PM20D2: variants seen among roughly 807,000 people sequenced by gnomAD.
The protein encoded by PM20D2 is peptidase M20 domain containing 2, also known as xaa-Arg dipeptidase.
Under a neutral mutation model 42.9 loss-of-function variants are expected in PM20D2, and 33 were observed. The observed-to-expected ratio is 0.77, with a 90% CI of 0.58 to 1.03. PM20D2 has a LOEUF of 1.03. Ranked by LOEUF, PM20D2 falls within the 50% of genes least tolerant of loss-of-function variation. The pLI is 0.00. For missense variants in PM20D2, 548 were observed against 557.0 expected (o/e 0.98, Z 0.16); for synonymous variants, 250 against 228.2 (o/e 1.10, Z -0.86).
rs754963430 is a variant in PM20D2, at chr6:89,161,832, A to G, written c.1098A>G (p.Pro366=). The G allele has an allele frequency of 3.1e-6, 5 of 1,613,848 alleles. No individual in the cohort carries two copies. In the East Asian group the frequency reaches 6.7e-5, roughly 22 times the overall value. Residue 366 remains proline, a synonymous_variant, in exon 6 of 7, where the codon CCA becomes CCG. Coordinates refer to ENST00000275072, the MANE Select transcript of PM20D2 (RefSeq NM_001010853.3). ...GTTTTGTGGTTCCTGGAATTCATCCATATTTTCACATTGGATCTAATGCCT... is the reference window on the plus strand; with the variant it reads ...GTTTTGTGGTTCCTGGAATTCATCCGTATTTTCACATTGGATCTAATGCCT... ...NVSFVVPGIH[P]YFHIGSNALN...
the PM20D2 span, among the ~76,000 whole-genome samples, chr6:89,131,236 T>C: frequency 6.6e-6 from 1 of 152,100 alleles, no homozygotes. Context: ...ATTAATCCAT[T>C]CAGAAGGTGG....
In PM20D2 at chr6:89,158,307, T is replaced by G; in HGVS notation, c.913-18T>G. 2 of 1,560,694 alleles carry G rather than the reference T, an allele frequency of 1.3e-6. No individual in the cohort carries two copies. The highest frequency in any genetic ancestry group is 8.6e-7 in the Non-Finnish European group (1 of 1,159,126). On this transcript the variant is annotated intron_variant, in intron 4 of 6. Coordinates refer to ENST00000275072, the MANE Select transcript of PM20D2 (RefSeq NM_001010853.3). ...TTGAGTTTTTTATTTCAAAATTTGT[T>G]TTGCAATTTTTTATTAGGTGGAAAT...
chr6:89,151,618 T>G (rs940757462), intron 2 of PM20D2, among the ~76,000 whole-genome samples: 3 of 152,096 alleles, frequency 2.0e-5, no homozygotes, highest in African/African-American at 2.4e-5. Context: ...CTTTTCAGAG[T>G]GTTTTTGGTG....
chr6:89,162,164 G>A lies in PM20D2; in HGVS notation c.1212G>A (p.Thr404=), dbSNP rs367824436. 1.8e-5 allele frequency: 29 copies of A among 1,613,968 alleles called. No homozygotes were observed. The highest frequency in any genetic ancestry group is 2.4e-5 in the Non-Finnish European group (28 of 1,179,966). ...GGACGGCCAAAGCTCTGGCAATGAC[G>A]GCACTGGATGTTATTTTTAAACCAG... The part of the protein sequence containing the change: ...TLRTAKALAM[T]ALDVIFKPEL... Residue 404 remains threonine, a synonymous_variant, in exon 7 of 7, where the codon ACG becomes ACA. Coordinates refer to ENST00000275072, the MANE Select transcript of PM20D2 (RefSeq NM_001010853.3).
chr6:89,097,344 C>T, the PM20D2 span: 64 of 152,140 alleles, frequency 4.2e-4, no homozygotes, highest in African/African-American at 1.5e-3. Context: ...ACTACCAAAA[C>T]CCTTTGAAAA....
intron 5 of PM20D2, among the ~76,000 whole-genome samples, chr6:89,159,497 C>T (rs1771163147): frequency 6.6e-6 from 1 of 152,126 alleles, no homozygotes; most frequent in South Asian, 2.1e-4. Flanking sequence ...ACCAGTGGTA[C>T]CAGATGCTGG....
At chr6:89,117,736 C>A in the PM20D2 span, 102,287 of 1,331,782 alleles carry the variant, frequency 0.077, 4,410 homozygotes, top group Middle Eastern at 0.11. Context: ...CTCCCCCGAG[C>A]CTCCGCCGGG....
chr6:89,146,010 G>A, upstream of PM20D2: 1 of 707,470 alleles, frequency 1.4e-6, no homozygotes, highest in Non-Finnish European at 2.0e-6. Context: ...GACTGGGGGT[G>A]GTGCCCTGGG....
chr6:89,137,261 C>T, the PM20D2 span, among the ~76,000 whole-genome samples: 2 of 152,170 alleles, frequency 1.3e-5, no homozygotes, highest in Non-Finnish European at 2.9e-5. Context: ...CAATGGCTCA[C>T]ACCTGGAATC....
the PM20D2 span, among the ~76,000 whole-genome samples, chr6:89,137,584 C>T: frequency 6.6e-6 from 1 of 152,152 alleles, no homozygotes; most frequent in Non-Finnish European, 1.5e-5. Flanking sequence ...GCTATTTTGG[C>T]CTTTCCATTT....
At chr6:89,100,522 TAAA>T in the PM20D2 span, among the ~76,000 whole-genome samples, 329 of 144,682 alleles carry the variant, frequency 2.3e-3, 1 homozygote, top group African/African-American at 6.5e-3. Context: ...CATGTTATGT[TAAA>T]AAAAAAAAAA....
chr6:89,134,184 G>A, the PM20D2 span, among the ~76,000 whole-genome samples: 1 of 151,074 alleles, frequency 6.6e-6, no homozygotes, highest in Non-Finnish European at 1.5e-5. Flanking sequence ...CCATTAGAGG[G>A]TAATTAACCT....
At position 89,165,019 on chromosome 6, in the gene PM20D2, G is replaced by C. The variant is rs1771372884; in HGVS notation, c.*2756G>C. 1 of 151,742 alleles carries C rather than the reference G, an allele frequency of 6.6e-6. No homozygotes were observed. The highest frequency in any genetic ancestry group is 1.5e-5 in the Non-Finnish European group (1 of 67,926). The allele number at this position is 151,742 out of a possible 1,614,324, so 9.4% of individuals were successfully genotyped here. A position where few individuals can be genotyped will look rare whatever the true frequency, so the allele number is the denominator to read the frequency against. On this transcript the variant is annotated 3_prime_UTR_variant, in exon 7 of 7. Coordinates refer to ENST00000275072, the MANE Select transcript of PM20D2 (RefSeq NM_001010853.3). ...GTTCTCACGAGATTTATTTATCTGA[G>C]CAACATTGGGACTGAGGGAACATCT...
At chr6:89,132,314 C>A in the PM20D2 span, among the ~76,000 whole-genome samples, 1 of 144,904 alleles carries the variant, frequency 6.9e-6, no homozygotes, top group African/African-American at 2.9e-5. Flanking sequence ...ACTTCCTGTG[C>A]TGCCAAGCCA....
intron 5 of PM20D2, among the ~76,000 whole-genome samples, chr6:89,159,202 A>G (rs1350293168): frequency 1.3e-5 from 2 of 152,206 alleles, no homozygotes; most frequent in Non-Finnish European, 2.9e-5. Context: ...CCATATATGA[A>G]AGGTATATAG....
chr6:89,150,732 G>T (rs562304125), intron 2 of PM20D2, among the ~76,000 whole-genome samples: 26 of 151,252 alleles, frequency 1.7e-4, no homozygotes, highest in African/African-American at 6.3e-4. Flanking sequence ...TAGAGACAGG[G>T]TTTCACCGTA....
intron 4 of PM20D2, among the ~76,000 whole-genome samples, chr6:89,157,591 T>C (rs770547997): frequency 1.3e-5 from 2 of 152,240 alleles, no homozygotes; most frequent in Non-Finnish European, 2.9e-5. Flanking sequence ...AGTGTCAGTT[T>C]GCATATTGAA....
Position 89,146,146 on chromosome 6 carries a change from TGAGGCCCGGA to T in PM20D2, c.4_13del (p.Arg2_?5). 6.7e-7 allele frequency: 1 copy of T among 1,482,060 alleles called. No individual in the cohort carries two copies. The highest frequency in any genetic ancestry group is 2.6e-5 in the East Asian group (1 of 39,134). The allele number at this position is 1,482,060 out of a possible 1,614,324, so 91.8% of individuals were successfully genotyped here. A position where few individuals can be genotyped will look rare whatever the true frequency, so the allele number is the denominator to read the frequency against. ...CAGAGGGCAGCGGGCTTGGGCAGCA[TGAGGCCCGGA>T]GGGGAGCGGCCCGTGGAAGGGGGCG... On this transcript the variant is annotated frameshift_variant and start_lost, in exon 1 of 7. Coordinates refer to ENST00000275072, the MANE Select transcript of PM20D2 (RefSeq NM_001010853.3). LOFTEE classifies it high-confidence loss of function.
intron 1 of PM20D2, 139 bp from the exon 2 acceptor site, chr6:89,149,126 G>A (rs991221052): frequency 1.8e-5 from 19 of 1,036,916 alleles, no homozygotes; most frequent in African/African-American, 1.1e-4. Flanking sequence ...TGCCCATTGC[G>A]TAAGCGTCAT....
Sources: gnomAD v4.1 joint callset for allele counts (sites outside exome capture counted in the v4.1 genomes callset) on GRCh38, gnomAD v4.1.1 for gene constraint, MANE v1.5 for transcripts, NCBI Gene and HGNC (gene_info 2026-07-23, HGNC 2026-07-21) for gene names.